Variants in NDUFAF2 observed in about 807,000 individuals in gnomAD.
The protein encoded by NDUFAF2 is NADH dehydrogenase [ubiquinone] 1 alpha subcomplex assembly factor 2.
NDUFAF2 carries 13 observed loss-of-function variants against 22.8 expected under a neutral mutation model. The observed-to-expected ratio is 0.57, with a 90% confidence interval of 0.37 to 0.91. The LOEUF (loss-of-function observed/expected upper bound fraction) is 0.91, where lower values mean the gene tolerates loss of function less well. Ranked by LOEUF, NDUFAF2 falls within the 40% of genes least tolerant of loss-of-function variation. NDUFAF2 has a pLI of 0.01. For missense variants in NDUFAF2, 162 were observed against 195.2 expected (o/e 0.83, Z 1.01); for synonymous variants, 53 against 64.2 (o/e 0.83, Z 0.84).
intron 1 of NDUFAF2, among the ~76,000 whole-genome samples, chr5:61,062,379 A>G (rs1187116895): frequency 6.6e-6 from 1 of 152,180 alleles, no homozygotes; most frequent in Non-Finnish European, 1.5e-5. Context: ...TGAACAAAAC[A>G]GAAATCTTGG....
intron 1 of NDUFAF2, among the ~76,000 whole-genome samples, chr5:60,969,465 G>A (rs576757842): frequency 6.6e-6 from 1 of 152,152 alleles, no homozygotes; most frequent in South Asian, 2.1e-4. Context: ...GATGATGAAC[G>A]ATGTTGTGCA....
In NDUFAF2 at chr5:61,099,019, C is replaced by T; in HGVS notation, c.245C>T (p.Pro82Leu). Residue 82 changes from proline (P) to leucine (L), a missense_variant, in exon 3 of 4, where the codon CCA (proline) becomes CTA (leucine). This residue lies in a region of NDUFAF2 where 68 missense variants were observed against 110.0 expected (regional missense o/e 0.62). Coordinates refer to ENST00000296597, the MANE Select transcript of NDUFAF2 (RefSeq NM_174889.5). ...TGGATTAGAAGAACAAGAAAGACTC[C>T]ACCTACTATGGAGGTAAGACTACAC... is the stretch of plus-strand genomic sequence containing the variant. The part of the protein sequence containing the change: ...EAWIRRTRKT[P>L]PTMEEILKNE... 2 of 1,599,210 alleles carry T rather than the reference C, an allele frequency of 1.3e-6. No homozygotes were observed. The highest frequency in any genetic ancestry group is 1.7e-6 in the Non-Finnish European group (2 of 1,168,910).
At chr5:61,030,961 C>T (rs1233119948) in intron 1 of NDUFAF2, among the ~76,000 whole-genome samples, 1 of 152,024 alleles carries the variant, frequency 6.6e-6, no homozygotes, top group Non-Finnish European at 1.5e-5. Context: ...TTAGGTATCC[C>T]ACCTTTCTAT....
chr5:61,142,699 T>G (rs1741076212), intron 3 of NDUFAF2, among the ~76,000 whole-genome samples: 1 of 152,258 alleles, frequency 6.6e-6, no homozygotes, highest in Non-Finnish European at 1.5e-5. Context: ...TTGCCTCTTG[T>G]TTTATTCTAA....
intron 3 of NDUFAF2, among the ~76,000 whole-genome samples, chr5:61,099,555 C>T (rs1449513823): frequency 6.6e-6 from 1 of 150,582 alleles, no homozygotes; most frequent in Non-Finnish European, 1.5e-5. Flanking sequence ...TTATTTAAAA[C>T]TAAAAAATTT....
chr5:61,149,002 G>C, intron 3 of NDUFAF2, among the ~76,000 whole-genome samples: 1 of 152,110 alleles, frequency 6.6e-6, no homozygotes, highest in East Asian at 1.9e-4. Context: ...ACAGAGTCTT[G>C]CTCTGTCACC....
intron 1 of NDUFAF2, among the ~76,000 whole-genome samples, chr5:60,972,231 G>A (rs1398723348): frequency 6.6e-6 from 1 of 151,504 alleles, no homozygotes; most frequent in Non-Finnish European, 1.5e-5. Flanking sequence ...ATGAGCCACT[G>A]TGCCTGGCCC....
intron 3 of NDUFAF2, among the ~76,000 whole-genome samples, chr5:61,123,680 C>T (rs1222484999): frequency 6.6e-6 from 1 of 152,122 alleles, no homozygotes; most frequent in African/African-American, 2.4e-5. Flanking sequence ...AGTACATTAT[C>T]GCTTATTGAT....
At chr5:61,029,298 A>G (rs1344561493) in intron 1 of NDUFAF2, among the ~76,000 whole-genome samples, 1 of 152,168 alleles carries the variant, frequency 6.6e-6, no homozygotes, top group Non-Finnish European at 1.5e-5. Flanking sequence ...ATCTTTAAAA[A>G]TAAAAATAAA....
chr5:61,090,034 A>ATAATG (rs1752548089), intron 2 of NDUFAF2, among the ~76,000 whole-genome samples: 1 of 152,008 alleles, frequency 6.6e-6, no homozygotes, highest in Non-Finnish European at 1.5e-5. Context: ...ATGCCATTAT[A>ATAATG]CTTTTTCAGC....
chr5:61,140,353 C>G (rs1425112044), intron 3 of NDUFAF2, among the ~76,000 whole-genome samples: 1 of 152,188 alleles, frequency 6.6e-6, no homozygotes, highest in Non-Finnish European at 1.5e-5. Flanking sequence ...ACTTGCATTT[C>G]TGCAGTGGCC....
At chr5:61,073,482 G>A (rs1379664921) in intron 2 of NDUFAF2, among the ~76,000 whole-genome samples, 1 of 152,200 alleles carries the variant, frequency 6.6e-6, no homozygotes, top group African/African-American at 2.4e-5. Context: ...ATCCTAAGAT[G>A]CAAAATTTAA....
At chr5:61,079,491 A>G (rs1366591304) in intron 2 of NDUFAF2, among the ~76,000 whole-genome samples, 1 of 152,150 alleles carries the variant, frequency 6.6e-6, no homozygotes, top group Non-Finnish European at 1.5e-5. Flanking sequence ...ATCTATCTCT[A>G]ATGCTCTATG....
At chr5:61,041,775 A>G (rs775827294) in intron 1 of NDUFAF2, among the ~76,000 whole-genome samples, 3 of 152,148 alleles carry the variant, frequency 2.0e-5, no homozygotes, top group African/African-American at 4.8e-5. Context: ...GGTAGGTGAC[A>G]TTTTTTCCCA....
At chr5:61,145,150 C>G (rs1014697761) in intron 3 of NDUFAF2, among the ~76,000 whole-genome samples, 1 of 152,116 alleles carries the variant, frequency 6.6e-6, no homozygotes, top group African/African-American at 2.4e-5. Context: ...CTACACATAG[C>G]AAGTTGCAGC....
intron 2 of NDUFAF2, among the ~76,000 whole-genome samples, chr5:61,074,762 A>AAAAAG (rs889423256): frequency 1.1e-4 from 16 of 152,160 alleles, no homozygotes; most frequent in East Asian, 1.9e-4. Context: ...CTCCGTCTCA[A>AAAAAG]AAAAGAAAAG....
At chr5:61,110,238 G>A (rs974516548) in intron 3 of NDUFAF2, among the ~76,000 whole-genome samples, 6 of 151,642 alleles carry the variant, frequency 4.0e-5, no homozygotes, top group African/African-American at 1.2e-4. Flanking sequence ...GTTCATCAGG[G>A]ATATTGGCCT....
chr5:61,116,708 A>C (rs576885466), intron 3 of NDUFAF2: 3 of 152,212 alleles, frequency 2.0e-5, no homozygotes, highest in Non-Finnish European at 4.4e-5. Context: ...ATTATCTCCT[A>C]CAAACCCTTT....
At chr5:61,026,402 T>C (rs1751650652) in intron 1 of NDUFAF2, among the ~76,000 whole-genome samples, 2 of 152,100 alleles carry the variant, frequency 1.3e-5, no homozygotes, top group African/African-American at 4.8e-5. Flanking sequence ...TGATTTTAAC[T>C]AAATATGTCC....
Sources: gnomAD v4.1 joint callset for allele counts (sites outside exome capture counted in the v4.1 genomes callset) on GRCh38, gnomAD v4.1.1 for gene constraint, gnomAD v4.1.1 regional missense constraint, MANE v1.5 for transcripts, NCBI Gene and HGNC (gene_info 2026-07-23, HGNC 2026-07-21) for gene names.